SLIT2: variants seen among roughly 807,000 people sequenced by gnomAD.
The protein encoded by SLIT2 is slit homolog 2 protein.
SLIT2 carries 41 observed loss-of-function variants against 185.7 expected under a neutral mutation model. The observed-to-expected ratio is 0.22, with a 90% CI of 0.17 to 0.29. SLIT2 has a LOEUF of 0.29. SLIT2 is among the 10% of genes least tolerant of loss of function. The pLI is 1.00. For missense variants in SLIT2, 1,571 were observed against 1,909.0 expected (o/e 0.82, Z 3.30); for synonymous variants, 693 against 680.2 (o/e 1.02, Z -0.29).
chr4:20,422,625 G>C (rs1291791424), intron 4 of SLIT2, among the ~76,000 whole-genome samples: 1 of 152,082 alleles, frequency 6.6e-6, no homozygotes, highest in Non-Finnish European at 1.5e-5. Flanking sequence ...GGCAGAAGGG[G>C]GCATGAGAGG....
chr4:20,443,953 G>T (rs986302585), intron 4 of SLIT2, among the ~76,000 whole-genome samples: 7 of 152,106 alleles, frequency 4.6e-5, no homozygotes, highest in Non-Finnish European at 8.8e-5. Flanking sequence ...TGGTTTGGCA[G>T]GTACAATACC....
chr4:20,559,391 T>C (rs1056971595), intron 26 of SLIT2, among the ~76,000 whole-genome samples: 1 of 151,978 alleles, frequency 6.6e-6, no homozygotes, highest in African/African-American at 2.4e-5. Flanking sequence ...TCAGTTTTTC[T>C]GTAACTGAAT....
At chr4:20,453,725 A>G (rs986921932) in intron 4 of SLIT2, among the ~76,000 whole-genome samples, 1 of 152,236 alleles carries the variant, frequency 6.6e-6, no homozygotes, top group African/African-American at 2.4e-5. Flanking sequence ...GAGGGAGCAA[A>G]CAGAAATATG....
At chr4:20,598,425 G>GA (rs1007144999) in intron 33 of SLIT2, 30 bp downstream of exon 33, 11 of 1,610,312 alleles carry the variant, frequency 6.8e-6, no homozygotes, top group Middle Eastern at 3.3e-4. Context: ...GGGTAAAGGT[G>GA]AAAAAAATTG....
At chr4:20,573,884 G>A (rs1325160275) in intron 29 of SLIT2, among the ~76,000 whole-genome samples, 1 of 151,664 alleles carries the variant, frequency 6.6e-6, no homozygotes, top group Non-Finnish European at 1.5e-5. Flanking sequence ...CGTCAATATG[G>A]GCCACCAGGC....
chr4:20,436,717 T>C (rs1285424722), intron 4 of SLIT2, among the ~76,000 whole-genome samples: 2 of 152,236 alleles, frequency 1.3e-5, no homozygotes, highest in Non-Finnish European at 2.9e-5. Flanking sequence ...AGTTGATGAC[T>C]GCTTTCAAGG....
In SLIT2 at chr4:20,518,196, CATATACATATATTTATATAT is replaced by C. The variant is rs1252479523; in HGVS notation, c.1059-1173_1059-1154del. Among the ~76,000 whole-genome samples the C allele has an allele frequency of 1.2e-4, 16 of 135,988 alleles. 1 individual carries two copies. The highest frequency in any genetic ancestry group is 4.4e-4 in the African/African-American group (15 of 34,392). 89.2% of individuals were successfully genotyped at this position (135,988 alleles called of 152,430 possible). On this transcript the variant is annotated intron_variant, in intron 11 of 36. Transcript: ENST00000504154. Reference sequence around the variant, plus strand: ...ATATTTATATATATACATATACATACATATACATATATTTATATATATATACATATATATGTGTGTGTGTA... The same window carrying C: ...ATATTTATATATATACATATACATACATATACATATATATGTGTGTGTGTA...
intron 18 of SLIT2, among the ~76,000 whole-genome samples, chr4:20,535,067 A>C (rs1722150342): frequency 6.6e-6 from 1 of 152,008 alleles, no homozygotes; most frequent in Non-Finnish European, 1.5e-5. Context: ...TTGGGAGGCC[A>C]AGGTGGGCAG....
chr4:20,418,461 T>C (rs1293768075), intron 4 of SLIT2, among the ~76,000 whole-genome samples: 2 of 152,216 alleles, frequency 1.3e-5, no homozygotes, highest in Non-Finnish European at 2.9e-5. Flanking sequence ...TTTTGTATTA[T>C]TCTCACTCCA....
chr4:20,564,694 A>G (rs1039564088), intron 26 of SLIT2, among the ~76,000 whole-genome samples: 6 of 151,882 alleles, frequency 4.0e-5, no homozygotes, highest in Non-Finnish European at 7.4e-5. Context: ...GTATTTTGCT[A>G]TATTCCCAAA....
At chr4:20,293,899 C>T (rs971827360) in intron 4 of SLIT2, among the ~76,000 whole-genome samples, 2 of 152,040 alleles carry the variant, frequency 1.3e-5, no homozygotes, top group African/African-American at 2.4e-5. Context: ...CTGGTCTTTA[C>T]CTGGTCCACG....
intron 11 of SLIT2, among the ~76,000 whole-genome samples, chr4:20,514,235 G>T (rs1412308553): frequency 6.6e-6 from 1 of 152,102 alleles, no homozygotes; most frequent in African/African-American, 2.4e-5. Flanking sequence ...TGTCTTTCTA[G>T]AACTGTACTC....
intron 4 of SLIT2, among the ~76,000 whole-genome samples, chr4:20,424,303 A>G (rs1728383983): frequency 6.6e-6 from 1 of 152,072 alleles, no homozygotes; most frequent in Admixed American, 6.5e-5. Flanking sequence ...GAATTAGATT[A>G]CTTACCCATC....
intron 21 of SLIT2, among the ~76,000 whole-genome samples, 186 bp downstream of exon 21, chr4:20,542,812 C>CTGTGTGTGTGTG (rs753747459): frequency 9.9e-5 from 11 of 111,052 alleles, no homozygotes; most frequent in South Asian, 3.5e-4. Context: ...TTGGGAATTG[C>CTGTGTGTGTGTG]TGTGTGTGTG....
At position 20,617,087 on chromosome 4, in the gene SLIT2, C is replaced by T. The variant is rs780550262; in HGVS notation, c.4025C>T (p.Ala1342Val). The T allele has an allele frequency of 6.2e-7, 1 of 1,613,816 alleles. No individual in the cohort carries two copies. The highest frequency in any genetic ancestry group is 1.3e-5 in the African/African-American group (1 of 74,938). Residue 1342 changes from alanine to valine, a missense_variant, in exon 35 of 37, where the codon GCC (alanine) becomes GTC (valine). By Grantham distance (64) the Ala-to-Val change is moderately conservative (BLOSUM62 0). Coordinates refer to ENST00000504154, the MANE Select transcript of SLIT2 (RefSeq NM_004787.4). ...GCEPCHKKVC[A>V]HGTCQPSSQA... is the part of the protein sequence containing the mutation. ...GAGCCATGCCACAAGAAGGTGTGTG[C>T]CCATGGCACATGCCAGCCCAGCAGC...
At chr4:20,496,349 A>G (rs1577785020) in intron 9 of SLIT2, among the ~76,000 whole-genome samples, 1 of 152,242 alleles carries the variant, frequency 6.6e-6, no homozygotes, top group African/African-American at 2.4e-5. Context: ...AATAATAGAA[A>G]GAGACTGACA....
chr4:20,336,411 G>A (rs1188688093), intron 4 of SLIT2, among the ~76,000 whole-genome samples: 1 of 152,106 alleles, frequency 6.6e-6, no homozygotes, highest in Non-Finnish European at 1.5e-5. Flanking sequence ...AACCATCATT[G>A]TGAGCAAACT....
intron 29 of SLIT2, 110 bp downstream of exon 29, chr4:20,569,114 G>A (rs1395599914): frequency 2.2e-6 from 2 of 921,250 alleles, no homozygotes; most frequent in East Asian, 2.6e-5. Context: ...ATAAATGGTA[G>A]GTGTCTTGAA....
intron 4 of SLIT2, among the ~76,000 whole-genome samples, chr4:20,382,823 A>G (rs1724637824): frequency 6.6e-6 from 1 of 152,154 alleles, no homozygotes; most frequent in Non-Finnish European, 1.5e-5. Context: ...GAGATGAAAT[A>G]CAAAGTTTGA....
Sources: gnomAD v4.1 joint callset for allele counts (sites outside exome capture counted in the v4.1 genomes callset) on GRCh38, gnomAD v4.1.1 for gene constraint, MANE v1.5 for transcripts, NCBI Gene and HGNC (gene_info 2026-07-23, HGNC 2026-07-21) for gene names.